The following KCNQ3 variants were observed in gnomAD, a reference collection of about 807,000 sequenced individuals.
KCNQ3 encodes potassium voltage-gated channel subfamily Q member 3, also known as potassium voltage-gated channel subfamily KQT member 3.
A neutral mutation model predicts 92.5 loss-of-function variants in KCNQ3; 30 were observed. That is an observed-to-expected ratio of 0.32 (90% CI 0.24 to 0.44). The LOEUF is 0.44. Ranked by LOEUF, KCNQ3 falls within the 20% of genes least tolerant of loss-of-function variation. The probability of loss-of-function intolerance (pLI) is 1.00; values close to 1 mark genes in which losing one functional copy is unlikely to be tolerated. For synonymous variants in KCNQ3, 450 were observed against 468.8 expected (o/e 0.96, Z 0.52); for missense variants, 913 against 1,140.3 (o/e 0.80, Z 2.87).
chr8:132,348,168 C>A (rs1275064379), intron 1 of KCNQ3, among the ~76,000 whole-genome samples: 1 of 151,776 alleles, frequency 6.6e-6, no homozygotes, highest in African/African-American at 2.4e-5. Context: ...AACTCTAAGT[C>A]CCACCCTAGG....
intron 1 of KCNQ3, among the ~76,000 whole-genome samples, chr8:132,362,401 A>G (rs1336798382): frequency 1.3e-5 from 2 of 152,218 alleles, no homozygotes; most frequent in African/African-American, 2.4e-5. Context: ...CCAAAGTGCC[A>G]CATTGCCAAG....
At chr8:132,233,866 T>C (rs1043369883) in intron 1 of KCNQ3, among the ~76,000 whole-genome samples, 2 of 152,088 alleles carry the variant, frequency 1.3e-5, no homozygotes, top group African/African-American at 4.8e-5. Flanking sequence ...CAAAAAAAAA[T>C]ATTCAAAGCT....
At chr8:132,220,276 A>G (rs62519652) in intron 1 of KCNQ3, among the ~76,000 whole-genome samples, 11,553 of 152,160 alleles carry the variant, frequency 0.076, 625 homozygotes, top group African/African-American at 0.14. Context: ...GGGCAGTTAC[A>G]GATAAATAAG....
At chr8:132,192,873 CT>C (rs1372784254) in intron 1 of KCNQ3, among the ~76,000 whole-genome samples, 2 of 152,198 alleles carry the variant, frequency 1.3e-5, no homozygotes, top group African/African-American at 4.8e-5. Flanking sequence ...TCTCGAACTC[CT>C]GACCACAGGT....
intron 1 of KCNQ3, among the ~76,000 whole-genome samples, chr8:132,403,661 C>T (rs1421341734): frequency 1.3e-5 from 2 of 152,142 alleles, no homozygotes; most frequent in Non-Finnish European, 2.9e-5. Context: ...TTCCACCAGC[C>T]ATCATCTATG....
chr8:132,217,829 G>C (rs904224450), intron 1 of KCNQ3, among the ~76,000 whole-genome samples: 5 of 151,106 alleles, frequency 3.3e-5, no homozygotes, highest in African/African-American at 1.2e-4. Flanking sequence ...AGCTAACAAA[G>C]AGCTGCCAAG....
At chr8:132,456,989 A>C (rs1821957195) in intron 1 of KCNQ3, among the ~76,000 whole-genome samples, 1 of 152,210 alleles carries the variant, frequency 6.6e-6, no homozygotes, top group African/African-American at 2.4e-5. Context: ...GCAGCCTCCT[A>C]CATATGTATT....
intron 12 of KCNQ3, among the ~76,000 whole-genome samples, chr8:132,137,539 G>A (rs1042782258): frequency 6.6e-6 from 1 of 152,168 alleles, no homozygotes; most frequent in African/African-American, 2.4e-5. Context: ...GTAAAGAATT[G>A]TATTGAGAAT....
intron 1 of KCNQ3, among the ~76,000 whole-genome samples, chr8:132,234,567 G>T (rs4736409): frequency 0.013 from 1,951 of 152,122 alleles, 109 homozygotes; most frequent in Admixed American, 0.092. Flanking sequence ...CAAAGTTTAT[G>T]AAACACACAC....
chr8:132,257,055 G>A (rs1030513028), intron 1 of KCNQ3, among the ~76,000 whole-genome samples: 1 of 152,090 alleles, frequency 6.6e-6, no homozygotes, highest in African/African-American at 2.4e-5. Flanking sequence ...AAATGTTTGT[G>A]AGCATGCAAT....
intron 1 of KCNQ3, among the ~76,000 whole-genome samples, chr8:132,291,887 G>A (rs868776918): frequency 1.1e-4 from 17 of 152,164 alleles, no homozygotes; most frequent in African/African-American, 4.1e-4. Context: ...GCCTCCATAA[G>A]TTGCAGATAA....
intron 9 of KCNQ3, among the ~76,000 whole-genome samples, chr8:132,149,529 G>C (rs1267326039): frequency 6.6e-6 from 1 of 152,214 alleles, no homozygotes; most frequent in African/African-American, 2.4e-5. Flanking sequence ...CTGAGGAAAG[G>C]AGGGTGGAAT....
intron 1 of KCNQ3, among the ~76,000 whole-genome samples, chr8:132,437,345 C>A (rs776051125): frequency 3.3e-5 from 5 of 151,558 alleles, no homozygotes; most frequent in Non-Finnish European, 7.4e-5. Context: ...GGGGACAGGC[C>A]TAAGGTTTTA....
rs1824460380 is a variant in KCNQ3, at chr8:132,121,242, G to A, written c.*8020C>T. The stretch of plus-strand genomic sequence containing the variant: ...TGGGAACCTCCATTTGTTCTTCAAA[G>A]ACTGGTGTTTTCCATCACTGCTACA... On this transcript the variant is annotated 3_prime_UTR_variant, in exon 15 of 15. Coordinates refer to ENST00000388996, the MANE Select transcript of KCNQ3 (RefSeq NM_004519.4). 1 of 152,132 alleles carries A rather than the reference G, an allele frequency of 6.6e-6. No individual in the cohort carries two copies. The highest frequency in any genetic ancestry group is 1.5e-5 in the Non-Finnish European group (1 of 68,030). 9.4% of individuals were successfully genotyped at this position (152,132 alleles called of 1,614,324 possible).
intron 7 of KCNQ3, among the ~76,000 whole-genome samples, chr8:132,172,172 T>A (rs1826388199): frequency 6.6e-6 from 1 of 150,554 alleles, no homozygotes; most frequent in African/African-American, 2.4e-5. Context: ...GACAAGAGAG[T>A]CTCAAAAAAA....
intron 1 of KCNQ3, among the ~76,000 whole-genome samples, chr8:132,362,569 A>G (rs1819201471): frequency 6.6e-6 from 1 of 152,184 alleles, no homozygotes; most frequent in Admixed American, 6.5e-5. Flanking sequence ...CAAATGTTCT[A>G]GCAGGGGTTT....
intron 1 of KCNQ3, among the ~76,000 whole-genome samples, chr8:132,322,078 G>A (rs555258035): frequency 3.4e-4 from 52 of 152,264 alleles, no homozygotes; most frequent in African/African-American, 1.2e-3. Context: ...GAAAGAAGAG[G>A]GGCGGAGAGA....
intron 1 of KCNQ3, among the ~76,000 whole-genome samples, chr8:132,205,761 G>T (rs1452092680): frequency 1.3e-5 from 2 of 152,240 alleles, no homozygotes; most frequent in Non-Finnish European, 2.9e-5. Flanking sequence ...AGACCCTCTT[G>T]TAGGTGGAGA....
At chr8:132,171,462 C>A (rs1174891063) in intron 7 of KCNQ3, among the ~76,000 whole-genome samples, 1 of 152,168 alleles carries the variant, frequency 6.6e-6, no homozygotes, top group Non-Finnish European at 1.5e-5. Context: ...AAAGCAGGAA[C>A]TCCCTCTGAA....
Sources: gnomAD v4.1 joint callset for allele counts (sites outside exome capture counted in the v4.1 genomes callset) on GRCh38, gnomAD v4.1.1 for gene constraint, MANE v1.5 for transcripts, NCBI Gene and HGNC (gene_info 2026-07-23, HGNC 2026-07-21) for gene names.